The following JMJD1C variants were observed in gnomAD, a reference collection of about 807,000 sequenced individuals.
The protein encoded by JMJD1C is jumonji domain containing 1C, also known as jumonji domain-containing protein 1C.
JMJD1C carries 31 observed loss-of-function variants against 245.3 expected under a neutral mutation model. That is an observed-to-expected ratio of 0.13 (90% confidence interval 0.09 to 0.17). The LOEUF (loss-of-function observed/expected upper bound fraction) is 0.17. Ranked by LOEUF, JMJD1C falls within the 10% of genes least tolerant of loss-of-function variation. The pLI is 1.00. For synonymous variants in JMJD1C, 1,057 were observed against 1,017.4 expected (o/e 1.04, Z -0.74); for missense variants, 2,691 against 3,000.2 (o/e 0.90, Z 2.41).
chr10:63,468,580 C>A (rs923319560), upstream of JMJD1C, among the ~76,000 whole-genome samples: 9 of 152,104 alleles, frequency 5.9e-5, no homozygotes, highest in Non-Finnish European at 8.8e-5. Flanking sequence ...TTTCATTATA[C>A]AGGTAAAAAG....
rs1326396286 is a variant in JMJD1C, at chr10:63,186,157, G to A, written c.6739+58C>T. ...CTAAAAATCTGTTAAGTTACATTTG[G>A]AATTTATCATTTTGAAGGAGTATGA... On this transcript the variant is annotated intron_variant, in intron 19 of 25. Coordinates refer to ENST00000399262, the MANE Select transcript of JMJD1C (RefSeq NM_032776.3). 3.1e-6 allele frequency: 4 copies of A among 1,285,924 alleles called. No homozygotes were observed. The African/African-American group carries it at 6.0e-5, about 19-fold the overall frequency. The allele number at this position is 1,285,924 out of a possible 1,614,324, so 79.7% of individuals were successfully genotyped here. A position where few individuals can be genotyped will look rare whatever the true frequency, so the allele number is the denominator to read the frequency against.
intron 2 of JMJD1C, among the ~76,000 whole-genome samples, chr10:63,371,103 G>A (rs1312312648): frequency 6.6e-6 from 1 of 151,576 alleles, no homozygotes; most frequent in Non-Finnish European, 1.5e-5. Flanking sequence ...TCAACCTCCT[G>A]AGTAGCTGGG....
intron 3 of JMJD1C, among the ~76,000 whole-genome samples, chr10:63,228,647 C>T (rs529000393): frequency 7.9e-5 from 12 of 152,286 alleles, no homozygotes; most frequent in Middle Eastern, 3.4e-3. Context: ...TTAAAAACTT[C>T]TACATCAATG....
intron 2 of JMJD1C, among the ~76,000 whole-genome samples, chr10:63,323,017 C>A (rs114654161): frequency 2.2e-3 from 333 of 151,070 alleles, no homozygotes; most frequent in African/African-American, 7.5e-3. Context: ...ATACATAGAT[C>A]TATATATGAA....
chr10:63,256,553 G>C (rs975189056), intron 3 of JMJD1C, among the ~76,000 whole-genome samples: 1 of 151,998 alleles, frequency 6.6e-6, no homozygotes, highest in Non-Finnish European at 1.5e-5. Context: ...TCCTACTATC[G>C]AGGCTTCAGC....
chr10:63,233,610 G>C (rs1307616559), intron 3 of JMJD1C, among the ~76,000 whole-genome samples: 1 of 151,756 alleles, frequency 6.6e-6, no homozygotes, highest in Non-Finnish European at 1.5e-5. Context: ...ATGGGATACA[G>C]CCTTAAAAAT....
intron 1 of JMJD1C, among the ~76,000 whole-genome samples, chr10:63,438,498 G>A (rs555469159): frequency 6.6e-6 from 1 of 152,214 alleles, no homozygotes; most frequent in East Asian, 1.9e-4. Context: ...AGAAAGTAGA[G>A]GGATCCTTTT....
intron 2 of JMJD1C, among the ~76,000 whole-genome samples, chr10:63,338,124 A>G (rs898168279): frequency 6.6e-6 from 1 of 152,192 alleles, no homozygotes; most frequent in Admixed American, 6.5e-5. Context: ...GGAGCTCTTT[A>G]GAGTAAATCT....
chr10:63,348,843 G>A (rs1488130308), intron 2 of JMJD1C, among the ~76,000 whole-genome samples: 1 of 152,108 alleles, frequency 6.6e-6, no homozygotes, highest in Admixed American at 6.5e-5. Flanking sequence ...GCTCATGCCT[G>A]TAATCCCAGC....
At chr10:63,503,918 G>A (rs896347960) in intron 1 of JMJD1C, among the ~76,000 whole-genome samples, 1 of 152,174 alleles carries the variant, frequency 6.6e-6, no homozygotes, top group African/African-American at 2.4e-5. Flanking sequence ...AGATTAAGCA[G>A]TATCTCCAAC....
intron 2 of JMJD1C, among the ~76,000 whole-genome samples, chr10:63,314,962 T>TTG (rs1554884203): frequency 2.0e-5 from 3 of 149,052 alleles, no homozygotes; most frequent in Admixed American, 2.0e-4. Context: ...TTTTGTTTTT[T>TTG]TTTTTTTTTT....
chr10:63,187,790 A>C (rs1250394524), intron 18 of JMJD1C, among the ~76,000 whole-genome samples: 1 of 152,156 alleles, frequency 6.6e-6, no homozygotes, highest in Non-Finnish European at 1.5e-5. Flanking sequence ...TTCTCTTCTA[A>C]CTCAACTTCT....
chr10:63,373,050 A>G, intron 2 of JMJD1C: 1 of 191,066 alleles, frequency 5.2e-6, no homozygotes, highest in Non-Finnish European at 1.3e-5. Context: ...TAGGTAGGTG[A>G]TTCGTTGATT....
intron 1 of JMJD1C, chr10:63,489,433 A>C (rs1054341132): frequency 1.3e-5 from 2 of 152,536 alleles, no homozygotes; most frequent in African/African-American, 4.8e-5. Context: ...AAATAATATG[A>C]GTATAAGCTA....
rs370613957 is a variant in JMJD1C at position 63,261,920 on chromosome 10, C to T, written c.447+2731G>A. On this transcript the variant is annotated intron_variant, in intron 3 of 25. Transcript: ENST00000399262. ...GCATCATTTCTGGAAATTTTAAAAACTTACATGTACCTACCACTCTAGACT... is the reference window on the plus strand; with the variant it reads ...GCATCATTTCTGGAAATTTTAAAAATTTACATGTACCTACCACTCTAGACT... Among the ~76,000 whole-genome samples, 7 of 152,300 alleles carry T rather than the reference C, an allele frequency of 4.6e-5. No individual in the cohort carries two copies. In the East Asian group the frequency reaches 7.7e-4, roughly 17 times the overall value.
chr10:63,170,496 G>C (rs1157122511), intron 24 of JMJD1C, among the ~76,000 whole-genome samples: 2 of 152,192 alleles, frequency 1.3e-5, no homozygotes, highest in African/African-American at 2.4e-5. Context: ...TGTGGTCACT[G>C]AAGTCTCTGT....
chr10:63,485,784 C>A (rs1389872731), intron 1 of JMJD1C, among the ~76,000 whole-genome samples: 1 of 152,238 alleles, frequency 6.6e-6, no homozygotes, highest in East Asian at 1.9e-4. Context: ...GCAATTAAAT[C>A]TATTAACTTA....
intron 2 of JMJD1C, among the ~76,000 whole-genome samples, chr10:63,291,599 G>A (rs1858726465): frequency 7.2e-6 from 1 of 139,728 alleles, no homozygotes; most frequent in Non-Finnish European, 1.5e-5. Flanking sequence ...TGGGCAAAAA[G>A]AGTGAAACTC....
intron 2 of JMJD1C, among the ~76,000 whole-genome samples, chr10:63,370,026 C>T (rs1470543285): frequency 6.6e-6 from 1 of 152,126 alleles, no homozygotes; most frequent in East Asian, 1.9e-4. Context: ...TTTTGAGCCC[C>T]AGTAAAACTG....
Sources: allele counts gnomAD v4.1 joint callset (sites outside exome capture counted in the v4.1 genomes callset), GRCh38; gene constraint gnomAD v4.1.1; transcripts MANE v1.5; gene names NCBI Gene and HGNC (gene_info 2026-07-23, HGNC 2026-07-21).